The following SEC14L3 variants were observed in gnomAD, a reference collection of about 807,000 sequenced individuals.
The protein encoded by SEC14L3 is SEC14 like lipid binding 3, also known as SEC14-like protein 3.
SEC14L3 carries 56 observed loss-of-function variants against 57.4 expected under a neutral mutation model. The ratio of observed to expected loss-of-function variants is 0.97; its 90% CI spans 0.79 to 1.22. SEC14L3 has a LOEUF of 1.22. Ranked by LOEUF, SEC14L3 falls within the 50% of genes most tolerant of loss-of-function variation. The pLI, the probability that SEC14L3 is intolerant of heterozygous loss-of-function variation, is 0.00. For synonymous variants in SEC14L3, 173 were observed against 194.4 expected (o/e 0.89, Z 0.92); for missense variants, 485 against 511.7 (o/e 0.95, Z 0.50).
intron 5 of SEC14L3, among the ~76,000 whole-genome samples, chr22:30,468,051 C>T (rs944411967): frequency 7.2e-5 from 11 of 152,012 alleles, no homozygotes; most frequent in African/African-American, 1.9e-4. Flanking sequence ...GAGGCTGAGG[C>T]GGGTGGATCA....
chr22:30,454,291 A>T (rs1487403256), downstream of SEC14L3, among the ~76,000 whole-genome samples: 1 of 151,878 alleles, frequency 6.6e-6, no homozygotes, highest in Non-Finnish European at 1.5e-5. Flanking sequence ...CTGCAGCTTA[A>T]GAGGCTCTGT....
chr22:30,461,677 C>A lies in SEC14L3; in HGVS notation c.789G>T (p.Glu263Asp), dbSNP rs780926851. The change falls in exon 10 of 12, where the codon GAG becomes GAT. Residue 263 changes from glutamate to aspartate, a missense_variant. Coordinates refer to ENST00000215812, the MANE Select transcript of SEC14L3 (RefSeq NM_174975.5). ...CCCGCACGTACATGGACTTGGGGATCTCCCCGCCATAGTTAATCTGCGGAC... is the reference window on the plus strand; with the variant it reads ...CCCGCACGTACATGGACTTGGGGATATCCCCGCCATAGTTAATCTGCGGAC... ...KCLTKINYGGEIPKSMYVRDQ... is the reference protein window; with the variant it reads ...KCLTKINYGGDIPKSMYVRDQ... 2 of 1,596,192 alleles carry A rather than the reference C, an allele frequency of 1.3e-6. No homozygotes were observed. Among genetic ancestry groups the A allele is most frequent in the South Asian group, 2.2e-5 (2 of 90,416 alleles).
At position 30,468,934 on chromosome 22, in the gene SEC14L3, C is replaced by T. The variant is rs555563141; in HGVS notation, c.235-238G>A. The T allele has an allele frequency of 1.0e-5, 15 of 1,464,770 alleles. No homozygotes were observed. The African/African-American group carries it at 1.7e-4, about 17-fold the overall frequency. The allele number at this position is 1,464,770 out of a possible 1,614,324, so 90.7% of individuals were successfully genotyped here. A position where few individuals can be genotyped will look rare whatever the true frequency, so the allele number is the denominator to read the frequency against. On this transcript the variant is annotated intron_variant, in intron 4 of 11. Transcript: ENST00000215812. ...CAGGCCCTTGGACTTCTTAGGTCTGCCCCTGATGTCTCCCGTGTCCCTTTC... is the reference window on the plus strand; with the variant it reads ...CAGGCCCTTGGACTTCTTAGGTCTGTCCCTGATGTCTCCCGTGTCCCTTTC...
intron 1 of SEC14L3, chr22:30,471,012 T>C (rs532172512): frequency 1.0e-4 from 31 of 308,844 alleles, no homozygotes; most frequent in South Asian, 3.0e-4. Flanking sequence ...CAGCCAGGTA[T>C]GGTGGCTCAC....
rs180902762 is a variant in SEC14L3 at position 30,471,019 on chromosome 22, T to C, written c.55-437A>G. The C allele has an allele frequency of 1.3e-4, 40 of 310,236 alleles. No homozygotes were observed. The East Asian group carries it at 3.7e-3, about 29-fold the overall frequency. The allele number at this position is 310,236 out of a possible 1,614,324, so 19.2% of individuals were successfully genotyped here. Reference sequence around the variant, plus strand: ...AGGATAAACAGCCAGGTATGGTGGCTCACGCCTGTCATCCCAGCACTTTAG... The same window carrying C: ...AGGATAAACAGCCAGGTATGGTGGCCCACGCCTGTCATCCCAGCACTTTAG... On this transcript the variant is annotated intron_variant, in intron 1 of 11. Transcript: ENST00000215812.
downstream of SEC14L3, chr22:30,459,153 A>T (rs985762297): frequency 1.9e-6 from 1 of 539,474 alleles, no homozygotes; most frequent in Admixed American, 6.4e-5. Context: ...GGCCTTGGGG[A>T]TGGCATGAGA....
chr22:30,466,516 C>T, intron 6 of SEC14L3, 122 bp from the exon 7 acceptor site: 1 of 1,224,636 alleles, frequency 8.2e-7, no homozygotes, highest in Non-Finnish European at 1.2e-6. Flanking sequence ...CATGCCATCA[C>T]CTCCCCTGGC....
downstream of SEC14L3, among the ~76,000 whole-genome samples, chr22:30,455,547 G>A (rs1896646508): frequency 6.6e-6 from 1 of 152,096 alleles, no homozygotes; most frequent in African/African-American, 2.4e-5. Flanking sequence ...CCTGGCCTGT[G>A]TTGCCTTAAC....
chr22:30,455,160 A>ATATATTATATTTAG (rs1935095307), downstream of SEC14L3, among the ~76,000 whole-genome samples: 4 of 98,410 alleles, frequency 4.1e-5, no homozygotes, highest in Non-Finnish European at 7.4e-5. Flanking sequence ...ATTATATTTA[A>ATATATTATATTTAG]TATTTAATAT....
chr22:30,455,756 C>T (rs866546117), downstream of SEC14L3, among the ~76,000 whole-genome samples: 19 of 152,176 alleles, frequency 1.2e-4, no homozygotes, highest in Non-Finnish European at 1.6e-4. Flanking sequence ...TTGGGAGCCT[C>T]GCCTTTTGGC....
At chr22:30,466,206 A>G in intron 7 of SEC14L3, 128 bp downstream of exon 7, 1 of 774,144 alleles carries the variant, frequency 1.3e-6, no homozygotes, top group South Asian at 1.6e-5. Context: ...CAGGCATTCT[A>G]AGTGATTTGC....
intron 12 of SEC14L3, chr22:30,449,366 A>C: frequency 7.6e-7 from 1 of 1,317,854 alleles, no homozygotes; most frequent in Non-Finnish European, 1.0e-6. Context: ...ATAGGATTCT[A>C]TGTGTCATTC....
At chr22:30,468,801 A>G (rs562050052) in intron 4 of SEC14L3, 105 bp from the exon 5 acceptor site, 2 of 1,603,850 alleles carry the variant, frequency 1.2e-6, no homozygotes, top group Admixed American at 1.7e-5. Flanking sequence ...TGGTATAAAA[A>G]GCACTGTCCC....
Position 30,467,055 on chromosome 22 carries a change from A to G in SEC14L3, c.446T>C (p.Ile149Thr). ...TERLGKKIET[I>T]VMIFDCEGLG... ...GCCCTCACAGTCAAATATCATCACG[A>G]TGGTCTCAATCTTCTTCCCTAGCTG... is the stretch of plus-strand genomic sequence containing the variant. Residue 149 changes from isoleucine (I) to threonine (T), a missense_variant, in exon 6 of 12, where the codon ATC becomes ACC. Ile to Thr is a moderately conservative substitution (Grantham distance 89). Transcript: ENST00000215812. The G allele has an allele frequency of 6.2e-7, 1 of 1,614,028 alleles. No homozygotes were observed. Among genetic ancestry groups the G allele is most frequent in the Middle Eastern group, 1.6e-4 (1 of 6,062 alleles).
At chr22:30,468,486 C>T (rs1935494112) in intron 5 of SEC14L3, 22 bp downstream of exon 5, 3 of 1,584,192 alleles carry the variant, frequency 1.9e-6, no homozygotes, top group Middle Eastern at 1.7e-4. Flanking sequence ...CAGCCATCCA[C>T]CCCACCTGGC....
intron 2 of SEC14L3, 86 bp from the exon 3 acceptor site, chr22:30,470,341 G>T: frequency 6.3e-7 from 1 of 1,590,294 alleles, no homozygotes; most frequent in Non-Finnish European, 8.6e-7. Flanking sequence ...GACACTGGGG[G>T]CCTGGGTGAG....
Position 30,466,982 on chromosome 22 carries a change from C to T in SEC14L3, c.519G>A (p.Glu173=). 2.5e-6 allele frequency: 4 copies of T among 1,613,560 alleles called. No homozygotes were observed. The South Asian group carries it at 4.4e-5, about 18-fold the overall frequency. The change falls in exon 6 of 12, where the codon GAG becomes GAA. Residue 173 remains glutamate, a splice_region_variant and synonymous_variant. Coordinates refer to ENST00000215812, the MANE Select transcript of SEC14L3 (RefSeq NM_174975.5). The part of the protein sequence containing the change: ...FWKPLVEVYQ[E]FFGLLEENYP... ...GGGTGGCCCTAGGACTTCTCCTTACCTCCTGGTACACTTCTACCAGAGGTT... is the reference window on the plus strand; with the variant it reads ...GGGTGGCCCTAGGACTTCTCCTTACTTCCTGGTACACTTCTACCAGAGGTT...
At chr22:30,469,868 C>G in intron 4 of SEC14L3, 151 bp downstream of exon 4, 2 of 627,882 alleles carry the variant, frequency 3.2e-6, no homozygotes, top group Non-Finnish European at 5.6e-6. Flanking sequence ...TTGCAAGCCC[C>G]CAGGAAACAT....
exon 13 of SEC14L3, chr22:30,448,155 T>C (rs1207296963): frequency 6.6e-6 from 1 of 152,164 alleles, no homozygotes; most frequent in African/African-American, 2.4e-5. Flanking sequence ...ACCCCAGGCC[T>C]GGGCTGCAGG....
Sources: allele counts gnomAD v4.1 joint callset (sites outside exome capture counted in the v4.1 genomes callset), GRCh38; gene constraint gnomAD v4.1.1; transcripts MANE v1.5; gene names NCBI Gene and HGNC (gene_info 2026-07-23, HGNC 2026-07-21).